PLCB4: variants seen among roughly 807,000 people sequenced by gnomAD.
The protein encoded by PLCB4 is phospholipase C beta 4.
In PLCB4, 77 loss-of-function variants were observed where a neutral mutation model predicts 178.8. The ratio of observed to expected loss-of-function variants is 0.43; its 90% confidence interval spans 0.36 to 0.52. The LOEUF is 0.52. Ranked by LOEUF, PLCB4 falls within the 20% of genes least tolerant of loss-of-function variation. PLCB4 has a pLI of 0.00. For synonymous variants in PLCB4, 496 were observed against 490.8 expected (o/e 1.01, Z -0.14); for missense variants, 1,024 against 1,453.4 (o/e 0.70, Z 4.80).
intron 2 of PLCB4, among the ~76,000 whole-genome samples, chr20:9,199,002 G>A (rs1277790788): frequency 6.6e-6 from 1 of 152,162 alleles, no homozygotes; most frequent in African/African-American, 2.4e-5. Flanking sequence ...TGATTTCATA[G>A]GAGAGGTTTA....
intron 28 of PLCB4, 86 bp from the exon 29 acceptor site, chr20:9,435,474 G>C (rs1183703743): frequency 2.5e-6 from 2 of 801,240 alleles, no homozygotes; most frequent in African/African-American, 3.4e-5. Context: ...CAGGTATCCA[G>C]GATTGTAGTT....
At chr20:9,127,295 T>G (rs949663011) in intron 2 of PLCB4, among the ~76,000 whole-genome samples, 11 of 152,134 alleles carry the variant, frequency 7.2e-5, no homozygotes, top group Admixed American at 2.0e-4. Context: ...TTCTCTTGGT[T>G]CAAGGAACAC....
At chr20:9,229,380 A>C (rs2147341122) in intron 3 of PLCB4, among the ~76,000 whole-genome samples, 1 of 152,208 alleles carries the variant, frequency 6.6e-6, no homozygotes, top group South Asian at 2.1e-4. Flanking sequence ...TGATTCAGAA[A>C]TTCTGCAAAC....
chr20:9,225,075 C>A (rs2093846687), intron 3 of PLCB4, among the ~76,000 whole-genome samples: 1 of 152,040 alleles, frequency 6.6e-6, no homozygotes, highest in African/African-American at 2.4e-5. Flanking sequence ...TTAAAAAATG[C>A]TGATGGATGG....
intron 7 of PLCB4, among the ~76,000 whole-genome samples, chr20:9,341,671 GAA>G: frequency 6.7e-6 from 1 of 149,048 alleles, no homozygotes; most frequent in African/African-American, 2.5e-5. Context: ...AACTTTTACT[GAA>G]AAAAAATCCA....
At chr20:9,355,521 A>G (rs1457166002) in intron 7 of PLCB4, among the ~76,000 whole-genome samples, 2 of 150,700 alleles carry the variant, frequency 1.3e-5, no homozygotes, top group African/African-American at 4.9e-5. Context: ...TTCAATTCCC[A>G]TCTATGAGTG....
At chr20:9,393,172 G>T (rs2038287209) in intron 17 of PLCB4, among the ~76,000 whole-genome samples, 1 of 152,142 alleles carries the variant, frequency 6.6e-6, no homozygotes, top group African/African-American at 2.4e-5. Context: ...TTACTATACA[G>T]CCTGACACTT....
intron 2 of PLCB4, among the ~76,000 whole-genome samples, chr20:9,214,766 T>C (rs1480282161): frequency 6.6e-6 from 1 of 152,228 alleles, no homozygotes; most frequent in Non-Finnish European, 1.5e-5. Flanking sequence ...GGCTATGATA[T>C]GCCAGTAGCT....
rs186295911 is a variant in PLCB4, at chr20:9,076,969, A to G, written c.-135+7763A>G. 1.4e-4 allele frequency among the ~76,000 whole-genome samples: 22 copies of G among 152,168 alleles called. No individual in the cohort carries two copies. In the East Asian group the frequency reaches 4.1e-3, roughly 28 times the overall value. The stretch of plus-strand genomic sequence containing the variant: ...CCATTCCCAGATACAGTCATTGGCA[A>G]TAGTTTAGAATGCCTCTTTCCCTCC... On this transcript the variant is annotated intron_variant, in intron 1 of 39. Transcript: ENST00000378473.
At chr20:9,159,229 A>G (rs1036479728) in intron 2 of PLCB4, among the ~76,000 whole-genome samples, 1 of 152,180 alleles carries the variant, frequency 6.6e-6, no homozygotes. Flanking sequence ...CAGACTACTT[A>G]GAAAATGGCC....
chr20:9,098,609 G>GT (rs762552304), intron 2 of PLCB4, among the ~76,000 whole-genome samples: 1 of 150,292 alleles, frequency 6.7e-6, no homozygotes, highest in Non-Finnish European at 1.5e-5. Flanking sequence ...TGTCTCATGT[G>GT]TTAAATAGTC....
chr20:9,321,946 CTTTTTCTTTTTTTTT>C (rs1568583776), intron 4 of PLCB4, among the ~76,000 whole-genome samples: 1 of 116,582 alleles, frequency 8.6e-6, no homozygotes, highest in Admixed American at 7.6e-5. Flanking sequence ...TCTTTTTTTT[CTTTTTCTTTTTTTTT>C]TTTTGATACA....
At chr20:9,140,115 T>C (rs1285052615) in intron 2 of PLCB4, among the ~76,000 whole-genome samples, 1 of 152,088 alleles carries the variant, frequency 6.6e-6, no homozygotes, top group Non-Finnish European at 1.5e-5. Context: ...GTTTGTCTAA[T>C]ATGCGTCTTT....
chr20:9,310,670 C>T (rs1156456505), intron 4 of PLCB4, among the ~76,000 whole-genome samples: 1 of 151,946 alleles, frequency 6.6e-6, no homozygotes, highest in Non-Finnish European at 1.5e-5. Context: ...CAAGATCACG[C>T]CCCCACACAC....
intron 1 of PLCB4, among the ~76,000 whole-genome samples, chr20:9,078,319 T>G (rs1426141468): frequency 6.6e-6 from 1 of 151,492 alleles, no homozygotes; most frequent in African/African-American, 2.4e-5. Context: ...GATAAAGGAC[T>G]ATATAAATTA....
chr20:9,217,156 G>GGA lies in PLCB4; in HGVS notation c.-78-234_-78-233insGA, dbSNP rs2093742727. On this transcript the variant is annotated intron_variant, in intron 2 of 39. Coordinates refer to ENST00000378473, the MANE Select transcript of PLCB4 (RefSeq NM_001377142.1). ...TAAGAGGGTGAGTAGGATATTAGCAGCATTGTAGAGAGAGTGTATAAACTC... is the reference window on the plus strand; with the variant it reads ...TAAGAGGGTGAGTAGGATATTAGCAGGACATTGTAGAGAGAGTGTATAAACTC... Among the ~76,000 whole-genome samples the GGA allele has an allele frequency of 2.6e-5, 4 of 152,168 alleles. No homozygotes were observed. In the South Asian group the frequency reaches 8.3e-4, roughly 32 times the overall value.
In PLCB4 at chr20:9,215,292, A is replaced by G. The variant is rs1288559800; in HGVS notation, c.-78-2098A>G. On this transcript the variant is annotated intron_variant, in intron 2 of 39. Transcript: ENST00000378473. ...ATTATTAATACATAATTACAAATAT[A>G]AATGTAAGATTGAAAATCTGGTAAA... Among the ~76,000 whole-genome samples the G allele has an allele frequency of 1.3e-5, 2 of 152,188 alleles. 1 individual carries two copies. The highest frequency in any genetic ancestry group is 4.1e-4 in the South Asian group (2 of 4,826).
intron 39 of PLCB4, among the ~76,000 whole-genome samples, chr20:9,478,104 C>T (rs1435919048): frequency 6.6e-6 from 1 of 152,164 alleles, no homozygotes; most frequent in African/African-American, 2.4e-5. Flanking sequence ...TCCAGGCTAC[C>T]AGTTGGATAA....
At chr20:9,393,183 G>A (rs1272103760) in intron 17 of PLCB4, among the ~76,000 whole-genome samples, 1 of 152,078 alleles carries the variant, frequency 6.6e-6, no homozygotes, top group Non-Finnish European at 1.5e-5. Context: ...CCTGACACTT[G>A]GGGGGATCTG....
Sources: gnomAD v4.1 joint callset for allele counts (sites outside exome capture counted in the v4.1 genomes callset) on GRCh38, gnomAD v4.1.1 for gene constraint, MANE v1.5 for transcripts, NCBI Gene and HGNC (gene_info 2026-07-23, HGNC 2026-07-21) for gene names.